Variants in MAPK10 observed in about 807,000 individuals in gnomAD.
MAPK10 encodes the protein mitogen-activated protein kinase 10.
MAPK10 carries 25 observed loss-of-function variants against 59.3 expected under a neutral mutation model. The ratio of observed to expected loss-of-function variants is 0.42; its 90% CI spans 0.31 to 0.59. MAPK10 has a LOEUF of 0.59. Among genes scored for constraint, MAPK10 ranks in the 20% least tolerant of loss-of-function variants. The pLI is 0.15. For synonymous variants in MAPK10, 190 were observed against 200.5 expected (o/e 0.95, Z 0.44); for missense variants, 351 against 568.9 (o/e 0.62, Z 3.90).
chr4:86,281,193 T>A (rs938579571), intron 2 of MAPK10, among the ~76,000 whole-genome samples: 1 of 152,106 alleles, frequency 6.6e-6, no homozygotes, highest in African/African-American at 2.4e-5. Context: ...AATACCAATA[T>A]CCCATAACCC....
chr4:86,525,232 G>A lies in MAPK10; in HGVS notation c.-263+68678C>T, dbSNP rs373538209. On this transcript the variant is annotated intron_variant, in intron 1 of 4. Coordinates refer to the MAPK10 transcript ENST00000502302. ...GGGTGGCTGGAGCCCTGGAGGCAGAGGCTGCAGTGAGCCAAGATCATGCCA... is the reference window on the plus strand; with the variant it reads ...GGGTGGCTGGAGCCCTGGAGGCAGAAGCTGCAGTGAGCCAAGATCATGCCA... Among the ~76,000 whole-genome samples the A allele has an allele frequency of 6.2e-4, 95 of 152,266 alleles. 1 individual carries two copies. The highest frequency in any genetic ancestry group is 2.0e-3 in the African/African-American group (85 of 41,550).
chr4:86,111,310 T>A (rs1354976548), intron 4 of MAPK10, among the ~76,000 whole-genome samples: 1 of 152,204 alleles, frequency 6.6e-6, no homozygotes, highest in Non-Finnish European at 1.5e-5. Flanking sequence ...GTGTCAGTTT[T>A]CAGGGGGAGT....
chr4:86,360,633 A>T (rs1286646311), upstream of MAPK10, among the ~76,000 whole-genome samples: 1 of 152,164 alleles, frequency 6.6e-6, no homozygotes, highest in Non-Finnish European at 1.5e-5. Context: ...GTACAAAGAA[A>T]ATACTGATTA....
intron 4 of MAPK10, among the ~76,000 whole-genome samples, chr4:86,156,607 G>T (rs1427148452): frequency 6.6e-6 from 1 of 151,952 alleles, no homozygotes; most frequent in Admixed American, 6.6e-5. Context: ...CACCACTTTG[G>T]CTGTCCATTT....
chr4:86,112,676 G>A (rs1354084033), intron 4 of MAPK10, among the ~76,000 whole-genome samples: 1 of 152,108 alleles, frequency 6.6e-6, no homozygotes, highest in African/African-American at 2.4e-5. Flanking sequence ...GCACTGAGAA[G>A]AATGTATATT....
intron 2 of MAPK10, among the ~76,000 whole-genome samples, chr4:86,277,381 G>A (rs559282849): frequency 2.0e-5 from 3 of 151,988 alleles, no homozygotes; most frequent in Non-Finnish European, 4.4e-5. Context: ...GCATATCCTG[G>A]GAAAGAAACT....
At chr4:86,023,979 TTAA>T (rs1251075043) in intron 13 of MAPK10, 3 of 151,512 alleles carry the variant, frequency 2.0e-5, no homozygotes, top group Non-Finnish European at 2.9e-5. Flanking sequence ...TTTTAAAACT[TTAA>T]AAAGTTTTAA....
intron 1 of MAPK10, among the ~76,000 whole-genome samples, chr4:86,558,492 G>C (rs74636039): frequency 0.028 from 4,309 of 152,120 alleles, 211 homozygotes; most frequent in African/African-American, 0.098. Context: ...TATGAGATTT[G>C]CCCAATGACG....
intron 1 of MAPK10, among the ~76,000 whole-genome samples, chr4:86,371,543 T>C (rs941422460): frequency 5.9e-5 from 9 of 152,130 alleles, no homozygotes; most frequent in African/African-American, 2.2e-4. Context: ...ATTTCAACTT[T>C]CAGAGAGGTT....
Position 86,194,351 on chromosome 4 carries a change from T to G in MAPK10, c.51A>C (p.Lys17Asn). 1.9e-6 allele frequency: 3 copies of G among 1,613,626 alleles called. No individual in the cohort carries two copies. Among genetic ancestry groups the G allele is most frequent in the Non-Finnish European group, 2.5e-6 (3 of 1,179,590 alleles). Reference protein sequence around the residue: ...YYCSEPTLDVKIAFCQGFDKQ... With the variant: ...YYCSEPTLDVNIAFCQGFDKQ... ...GAACACACACCTGACAAAAGGCAAT[T>G]TTCACATCCAATGTTGGTTCACTGC... The change falls in exon 3 of 14, where the codon AAA becomes AAC. Residue 17 changes from lysine (K) to asparagine (N), a missense_variant. Physicochemically the swap from Lys to Asn is moderately conservative, Grantham distance 94. Coordinates refer to ENST00000641462, the MANE Select transcript of MAPK10 (RefSeq NM_138982.4).
intron 3 of MAPK10, among the ~76,000 whole-genome samples, chr4:86,173,123 TA>T (rs1266231597): frequency 6.6e-6 from 1 of 152,060 alleles, no homozygotes; most frequent in Non-Finnish European, 1.5e-5. Context: ...AAAACTAGTT[TA>T]AAATTCATAT....
At chr4:86,387,493 A>C (rs958080109) in intron 1 of MAPK10, among the ~76,000 whole-genome samples, 3 of 152,216 alleles carry the variant, frequency 2.0e-5, no homozygotes, top group Non-Finnish European at 4.4e-5. Context: ...AGAATCTTGA[A>C]TTATAAAACA....
intron 9 of MAPK10, chr4:86,081,245 C>A (rs1036723435): frequency 6.6e-6 from 1 of 151,844 alleles, no homozygotes; most frequent in Non-Finnish European, 1.5e-5. Flanking sequence ...AAAATCAATT[C>A]CATGTGGACT....
chr4:86,578,648 T>C (rs961258457), intron 1 of MAPK10, among the ~76,000 whole-genome samples: 3 of 152,202 alleles, frequency 2.0e-5, no homozygotes, highest in African/African-American at 7.2e-5. Context: ...AAATCATAGA[T>C]AATTTTCAGC....
intron 3 of MAPK10, among the ~76,000 whole-genome samples, chr4:86,171,712 A>C (rs1186659947): frequency 2.0e-5 from 3 of 151,980 alleles, no homozygotes; most frequent in Non-Finnish European, 4.4e-5. Flanking sequence ...GCAACAAAAG[A>C]CAAAATTGAC....
At chr4:86,469,827 A>AT (rs1437994158) in intron 1 of MAPK10, among the ~76,000 whole-genome samples, 1 of 152,122 alleles carries the variant, frequency 6.6e-6, no homozygotes, top group Non-Finnish European at 1.5e-5. Flanking sequence ...CATTTGAGAG[A>AT]TTTTTTTAAG....
In MAPK10 at chr4:86,083,477, G is replaced by A. The variant is rs566180328; in HGVS notation, c.802+15047C>T. Among the ~76,000 whole-genome samples the A allele has an allele frequency of 8.3e-4, 127 of 152,180 alleles. 8 individuals carry two copies. The South Asian group carries it at 0.025, about 30-fold the overall frequency. ...CCAAATTCAGCTGACACCTGCCCACGGAAGGAGCATTTAAACCAGCCCTGG... is the reference window on the plus strand; with the variant it reads ...CCAAATTCAGCTGACACCTGCCCACAGAAGGAGCATTTAAACCAGCCCTGG... On this transcript the variant is annotated intron_variant, in intron 9 of 13. Coordinates refer to ENST00000641462, the MANE Select transcript of MAPK10 (RefSeq NM_138982.4).
At chr4:86,190,252 C>T (rs1371130432) in intron 3 of MAPK10, among the ~76,000 whole-genome samples, 1 of 152,118 alleles carries the variant, frequency 6.6e-6, no homozygotes, top group Non-Finnish European at 1.5e-5. Context: ...CAGTATGATG[C>T]TGGCCTCATA....
chr4:86,538,249 C>T (rs570594631), intron 1 of MAPK10, among the ~76,000 whole-genome samples: 6 of 152,040 alleles, frequency 3.9e-5, no homozygotes, highest in Middle Eastern at 3.4e-3. Context: ...CAGGTTCAAG[C>T]GATTCTCCTG....
Sources: gnomAD v4.1 joint callset for allele counts (sites outside exome capture counted in the v4.1 genomes callset) on GRCh38, gnomAD v4.1.1 for gene constraint, MANE v1.5 for transcripts, NCBI Gene and HGNC (gene_info 2026-07-23, HGNC 2026-07-21) for gene names.